Variants in VGLL4 observed in about 807,000 individuals in gnomAD.
VGLL4 encodes the protein vestigial like family member 4.
Under a neutral mutation model 21.0 loss-of-function variants are expected in VGLL4, and 7 were observed. The ratio of observed to expected loss-of-function variants is 0.33; its 90% CI spans 0.19 to 0.63. VGLL4 has a LOEUF of 0.63. Among genes scored for constraint, VGLL4 ranks in the 20% least tolerant of loss-of-function variants. The probability of loss-of-function intolerance (pLI) is 0.78; values close to 1 mark genes in which losing one functional copy is unlikely to be tolerated. For synonymous variants in VGLL4, 222 were observed against 173.2 expected, an observed-to-expected ratio of 1.28 and a Z score of -2.21; for missense variants, 394 against 425.7, an observed-to-expected ratio of 0.93 and a Z score of 0.66.
At chr3:11,689,474 A>G (rs2076496567) in intron 2 of VGLL4, among the ~76,000 whole-genome samples, 1 of 152,166 alleles carries the variant, frequency 6.6e-6, no homozygotes, top group Non-Finnish European at 1.5e-5. Flanking sequence ...ATGTCCATGA[A>G]CTTTCTTGTT....
intron 2 of VGLL4, among the ~76,000 whole-genome samples, chr3:11,587,863 C>T (rs2074395771): frequency 6.6e-6 from 1 of 152,218 alleles, no homozygotes; most frequent in African/African-American, 2.4e-5. Flanking sequence ...GGGCTTCTTA[C>T]TGAGAGTCAA....
intron 2 of VGLL4, among the ~76,000 whole-genome samples, chr3:11,666,884 G>A (rs987114611): frequency 2.0e-5 from 3 of 152,088 alleles, no homozygotes; most frequent in Non-Finnish European, 2.9e-5. Flanking sequence ...CCTCCACTCC[G>A]GTGTGCATGC....
At chr3:11,596,337 G>A (rs371780377) in intron 2 of VGLL4, among the ~76,000 whole-genome samples, 98 of 152,324 alleles carry the variant, frequency 6.4e-4, no homozygotes, top group African/African-American at 2.2e-3. Context: ...TTCATCCTGT[G>A]ACTATTATAC....
chr3:11,683,338 A>G (rs2076402338), intron 2 of VGLL4, among the ~76,000 whole-genome samples: 1 of 152,246 alleles, frequency 6.6e-6, no homozygotes, highest in African/African-American at 2.4e-5. Flanking sequence ...CTGGTGGGAT[A>G]ATAAATTAGT....
Position 11,558,449 on chromosome 3 carries a change from T to TC in VGLL4, c.*106dup. The TC allele has an allele frequency of 1.4e-6, 2 of 1,403,902 alleles. No homozygotes were observed. Among genetic ancestry groups the TC allele is most frequent in the Non-Finnish European group, 1.9e-6 (2 of 1,063,132 alleles). 87.0% of individuals were successfully genotyped at this position (1,403,902 alleles called of 1,614,324 possible). A position where few individuals can be genotyped will look rare whatever the true frequency, so the allele number is the denominator to read the frequency against. On this transcript the variant is annotated 3_prime_UTR_variant, in exon 5 of 5. Coordinates refer to ENST00000430365, the MANE Select transcript of VGLL4 (RefSeq NM_001128219.3). The stretch of plus-strand genomic sequence containing the variant: ...TGGTTTTTGCAAATAAACCATCCCT[T>TC]CCCTTCCCCCCACCCCACCCCCATG...
At chr3:11,634,629 C>G (rs759691527) in intron 1 of VGLL4, among the ~76,000 whole-genome samples, 6 of 152,016 alleles carry the variant, frequency 3.9e-5, no homozygotes, top group Non-Finnish European at 5.9e-5. Flanking sequence ...ACTGGTGTTG[C>G]TCACCATATG....
At chr3:11,606,940 C>T (rs111794056) in intron 1 of VGLL4, among the ~76,000 whole-genome samples, 1 of 152,104 alleles carries the variant, frequency 6.6e-6, no homozygotes, top group Non-Finnish European at 1.5e-5. Context: ...GCGAAGGTCC[C>T]CAGCTTCATT....
At chr3:11,712,537 G>A (rs978670382) in intron 1 of VGLL4, among the ~76,000 whole-genome samples, 1 of 151,860 alleles carries the variant, frequency 6.6e-6, no homozygotes. Context: ...AGGCCAAATG[G>A]CCAAATATGA....
At chr3:11,660,996 T>C (rs1009870197) in intron 2 of VGLL4, among the ~76,000 whole-genome samples, 2 of 152,182 alleles carry the variant, frequency 1.3e-5, no homozygotes, top group African/African-American at 2.4e-5. Context: ...TCAGGGTGGC[T>C]GTGGGGCTGA....
At chr3:11,714,998 G>A (rs968902335) in intron 1 of VGLL4, among the ~76,000 whole-genome samples, 4 of 152,162 alleles carry the variant, frequency 2.6e-5, no homozygotes, top group South Asian at 2.1e-4. Context: ...AGCCAGGCAC[G>A]GTGGCGGGCG....
intron 1 of VGLL4, chr3:11,612,568 A>AGATTTAG (rs1259922060): frequency 6.6e-6 from 1 of 152,242 alleles, no homozygotes; most frequent in Non-Finnish European, 1.5e-5. Flanking sequence ...TTCCCGATGC[A>AGATTTAG]GATTTAGTAA....
At chr3:11,559,553 C>A in intron 3 of VGLL4, 98 bp from the exon 4 acceptor site, 1 of 1,404,762 alleles carries the variant, frequency 7.1e-7, no homozygotes, top group Non-Finnish European at 9.3e-7. Flanking sequence ...TGTCCTGGTG[C>A]CCTTCCTGAC....
At chr3:11,671,525 G>A in intron 2 of VGLL4, 1 of 600,696 alleles carries the variant, frequency 1.7e-6, no homozygotes, top group Non-Finnish European at 3.0e-6. Context: ...CTGCCCTGCA[G>A]AGCCCACCTG....
intron 1 of VGLL4, chr3:11,604,444 C>G: frequency 1.0e-6 from 1 of 957,314 alleles, no homozygotes. Context: ...GAAAAGAATC[C>G]GCACATAAGG....
intron 1 of VGLL4, among the ~76,000 whole-genome samples, chr3:11,629,339 T>C (rs1300862236): frequency 1.4e-5 from 2 of 147,274 alleles, no homozygotes; most frequent in Non-Finnish European, 3.0e-5. Context: ...TAAGAAGAAA[T>C]ATTCTTCCCA....
rs777898981 is a variant in VGLL4, at chr3:11,564,788, G to C, written c.495+9C>G. Reference sequence around the variant, plus strand: ...ACTCCCCACGCCACCCTCCCAGACAGAGGCCCACCTGCTGCCGCTCCCCCG... The same window carrying C: ...ACTCCCCACGCCACCCTCCCAGACACAGGCCCACCTGCTGCCGCTCCCCCG... On this transcript the variant is annotated intron_variant, in intron 3 of 4. Coordinates refer to ENST00000430365, the MANE Select transcript of VGLL4 (RefSeq NM_001128219.3). 13 of 1,535,442 alleles carry C rather than the reference G, an allele frequency of 8.5e-6. No individual in the cohort carries two copies. The East Asian group carries it at 2.7e-4, about 32-fold the overall frequency.
upstream of VGLL4, among the ~76,000 whole-genome samples, chr3:11,644,229 T>A (rs898002195): frequency 2.0e-5 from 3 of 152,200 alleles, no homozygotes; most frequent in Non-Finnish European, 4.4e-5. Flanking sequence ...GGAATGCAAC[T>A]TTCGTGAAAC....
intron 2 of VGLL4, among the ~76,000 whole-genome samples, chr3:11,697,655 T>G (rs901669250): frequency 3.9e-5 from 6 of 152,178 alleles, no homozygotes; most frequent in Non-Finnish European, 8.8e-5. Flanking sequence ...ACGTTATCAT[T>G]AAGCTGACCT....
intron 2 of VGLL4, among the ~76,000 whole-genome samples, chr3:11,670,667 C>T (rs1482690770): frequency 6.6e-6 from 1 of 152,138 alleles, no homozygotes; most frequent in Non-Finnish European, 1.5e-5. Context: ...ATACTGACTT[C>T]CCATACTGTC....
Sources: gnomAD v4.1 joint callset for allele counts (sites outside exome capture counted in the v4.1 genomes callset) on GRCh38, gnomAD v4.1.1 for gene constraint, MANE v1.5 for transcripts, NCBI Gene and HGNC (gene_info 2026-07-23, HGNC 2026-07-21) for gene names.